The following ACTR3 variants were observed in gnomAD, a reference collection of about 807,000 sequenced individuals.
ACTR3 encodes the protein actin related protein 3.
In ACTR3, 12 loss-of-function variants were observed where a neutral mutation model predicts 56.8. That is an observed-to-expected ratio of 0.21 (90% CI 0.14 to 0.34). The LOEUF (loss-of-function observed/expected upper bound fraction) is 0.34, where lower values mean the gene tolerates loss of function less well. ACTR3 is among the 10% of genes least tolerant of loss of function. The pLI is 1.00. For synonymous variants in ACTR3, 162 were observed against 167.4 expected (o/e 0.97, Z 0.25); for missense variants, 282 against 512.5 (o/e 0.55, Z 4.34).
In ACTR3 at chr2:113,957,526, G is replaced by A; in HGVS notation, c.*71G>A. ...ATCTTTCTGATTACCTGTTTTGTCT[G>A]GATGGCTGGTTTTGAGGTTTTAAAC... On this transcript the variant is annotated 3_prime_UTR_variant, in exon 12 of 12. Transcript: ENST00000263238. The A allele has an allele frequency of 7.8e-7, 1 of 1,284,686 alleles. No individual in the cohort carries two copies. 79.6% of individuals were successfully genotyped at this position (1,284,686 alleles called of 1,614,324 possible). A position where few individuals can be genotyped will look rare whatever the true frequency, so the allele number is the denominator to read the frequency against.
intron 6 of ACTR3, among the ~76,000 whole-genome samples, chr2:113,937,435 A>G (rs1048729527): frequency 6.6e-6 from 1 of 152,144 alleles, no homozygotes; most frequent in African/African-American, 2.4e-5. Flanking sequence ...TTCACGTACC[A>G]TATCTAGTGC....
Position 113,958,301 on chromosome 2 carries a change from A to C in ACTR3, c.*846A>C, listed in dbSNP as rs944212291. 1 of 152,524 alleles carries C rather than the reference A, an allele frequency of 6.6e-6. No individual in the cohort carries two copies. The highest frequency in any genetic ancestry group is 2.4e-5 in the African/African-American group (1 of 41,444). 9.4% of individuals were successfully genotyped at this position (152,524 alleles called of 1,614,324 possible). On this transcript the variant is annotated 3_prime_UTR_variant, in exon 12 of 12. Transcript: ENST00000263238. ...TAATCTCTTTATAAGTTAACTAATAAATCTATTTTCTTCAGACTTCTGCAA... is the reference window on the plus strand; with the variant it reads ...TAATCTCTTTATAAGTTAACTAATACATCTATTTTCTTCAGACTTCTGCAA...
At chr2:113,914,109 TTCA>T (rs1679358302) in intron 2 of ACTR3, among the ~76,000 whole-genome samples, 1 of 714 alleles carries the variant, frequency 1.4e-3, no homozygotes, top group Non-Finnish European at 0.025. Flanking sequence ...TTCATTGTTA[TTCA>T]TTATGAAAAT....
chr2:113,936,063 T>G (rs1437471198), intron 6 of ACTR3, among the ~76,000 whole-genome samples: 4 of 152,082 alleles, frequency 2.6e-5, no homozygotes, highest in Admixed American at 1.3e-4. Flanking sequence ...GAGGCCAAGG[T>G]GGGCAGACTG....
At chr2:113,938,636 C>A (rs1294863490) in intron 6 of ACTR3, among the ~76,000 whole-genome samples, 1 of 152,194 alleles carries the variant, frequency 6.6e-6, no homozygotes, top group East Asian at 1.9e-4. Flanking sequence ...GGAACTATTT[C>A]TGGCTATGTG....
chr2:113,898,776 G>T (rs2134777), intron 1 of ACTR3, among the ~76,000 whole-genome samples: 1 of 152,134 alleles, frequency 6.6e-6, no homozygotes, highest in Admixed American at 6.5e-5. Flanking sequence ...AATTATTAAA[G>T]ATGTATTAAA....
chr2:113,940,643 T>C (rs554002986), intron 7 of ACTR3, among the ~76,000 whole-genome samples: 35 of 152,094 alleles, frequency 2.3e-4, no homozygotes, highest in Non-Finnish European at 3.4e-4. Context: ...CAAAATACTT[T>C]AGCATCGTCT....
At chr2:113,911,264 T>A (rs1679300969) in intron 1 of ACTR3, among the ~76,000 whole-genome samples, 1 of 151,724 alleles carries the variant, frequency 6.6e-6, no homozygotes, top group Non-Finnish European at 1.5e-5. Context: ...GACTTTTTTG[T>A]ATACATTACA....
chr2:113,927,606 A>G (rs931970677), intron 4 of ACTR3, 151 bp downstream of exon 4: 19 of 534,724 alleles, frequency 3.6e-5, no homozygotes, highest in Middle Eastern at 4.5e-4. Context: ...AAGACCATCT[A>G]GTTATGGCTA....
intron 3 of ACTR3, among the ~76,000 whole-genome samples, chr2:113,924,887 CTATTTATT>C (rs139963909): frequency 1.6e-4 from 24 of 149,932 alleles, no homozygotes; most frequent in Admixed American, 8.6e-4. Flanking sequence ...ATTCAAGGAA[CTATTTATT>C]TATTTATTTA....
At chr2:113,945,813 G>A (rs1680010769) in intron 8 of ACTR3, among the ~76,000 whole-genome samples, 1 of 151,968 alleles carries the variant, frequency 6.6e-6, no homozygotes. Context: ...CCCTCCGATA[G>A]GCCCCAGTGT....
At position 113,900,418 on chromosome 2, in the gene ACTR3, C is replaced by A. The variant is rs564925958; in HGVS notation, c.44+10095C>A. ...TTTGTGACTGATTTCTTTCATGGGGCAAGTGCTGACTGCTGTAGTCGTTGT... is the reference window on the plus strand; with the variant it reads ...TTTGTGACTGATTTCTTTCATGGGGAAAGTGCTGACTGCTGTAGTCGTTGT... On this transcript the variant is annotated intron_variant, in intron 1 of 11. Transcript: ENST00000263238. Among the ~76,000 whole-genome samples the A allele has an allele frequency of 2.0e-5, 3 of 152,234 alleles. No individual in the cohort carries two copies. The South Asian group carries it at 6.2e-4, about 32-fold the overall frequency.
At chr2:113,944,179 G>A (rs986939109) in intron 8 of ACTR3, among the ~76,000 whole-genome samples, 1 of 152,106 alleles carries the variant, frequency 6.6e-6, no homozygotes, top group Non-Finnish European at 1.5e-5. Context: ...GGAGTGATAC[G>A]TTAGAGCAGC....
At position 113,940,056 on chromosome 2, in the gene ACTR3, T is replaced by C; in HGVS notation, c.638T>C (p.Val213Ala). 6.2e-7 allele frequency: 1 copy of C among 1,613,466 alleles called. No homozygotes were observed. The highest frequency in any genetic ancestry group is 8.5e-7 in the Non-Finnish European group (1 of 1,179,704). The change falls in exon 7 of 12, where the codon GTA (valine) becomes GCA (alanine). Residue 213 changes from valine (V) to alanine (A), a missense_variant. Transcript: ENST00000263238. ...CAGCAACTGCTGAGAGACCGAGAAGTAGGAATCCCTCCAGAACAATCCTTG... is the reference window on the plus strand; with the variant it reads ...CAGCAACTGCTGAGAGACCGAGAAGCAGGAATCCCTCCAGAACAATCCTTG... ...FIQQLLRDRE[V>A]GIPPEQSLET...
rs1680329895 is a variant in ACTR3 at position 113,961,754 on chromosome 2, T to C, written c.*4299T>C. 6.6e-6 allele frequency: 1 copy of C among 151,968 alleles called. No homozygotes were observed. Among genetic ancestry groups the C allele is most frequent in the South Asian group, 2.1e-4 (1 of 4,830 alleles). 9.4% of individuals were successfully genotyped at this position (151,968 alleles called of 1,614,324 possible). ...TTAGAGGAGGGACAAATATTTTGCCTAGATAAGATTTGAGAGATAGTAAGT... is the reference window on the plus strand; with the variant it reads ...TTAGAGGAGGGACAAATATTTTGCCCAGATAAGATTTGAGAGATAGTAAGT... On this transcript the variant is annotated 3_prime_UTR_variant, in exon 12 of 12. Transcript: ENST00000263238.
In ACTR3 at chr2:113,960,049, G is replaced by A. The variant is rs913285717; in HGVS notation, c.*2594G>A. ...TAGCTTATTAATAGCAATATTAGCA[G>A]TGTAGTAGATTCTGACTGCAAAACC... On this transcript the variant is annotated 3_prime_UTR_variant, in exon 12 of 12. Transcript: ENST00000263238. 4 of 152,018 alleles carry A rather than the reference G, an allele frequency of 2.6e-5. No homozygotes were observed. The highest frequency in any genetic ancestry group is 7.2e-5 in the African/African-American group (3 of 41,440). The allele number at this position is 152,018 out of a possible 1,614,324, so 9.4% of individuals were successfully genotyped here.
Position 113,957,343 on chromosome 2 carries a change from A to G in ACTR3, c.1162-17A>G, listed in dbSNP as rs1474361788. 7 of 1,588,024 alleles carry G rather than the reference A, an allele frequency of 4.4e-6. No individual in the cohort carries two copies. The highest frequency in any genetic ancestry group is 1.7e-5 in the Admixed American group (1 of 59,844). On this transcript the variant is annotated splice_polypyrimidine_tract_variant and intron_variant, in intron 11 of 11. Coordinates refer to ENST00000263238, the MANE Select transcript of ACTR3 (RefSeq NM_005721.5). Reference sequence around the variant, plus strand: ...AGATTTTTGACCCTTATAAAAATACATATTTTTTGTTTTCAGCCTGAGTTC... The same window carrying G: ...AGATTTTTGACCCTTATAAAAATACGTATTTTTTGTTTTCAGCCTGAGTTC...
chr2:113,893,041 C>G (rs966457717), intron 1 of ACTR3, among the ~76,000 whole-genome samples: 3 of 152,180 alleles, frequency 2.0e-5, no homozygotes, highest in African/African-American at 7.2e-5. Flanking sequence ...TATCTACACA[C>G]TTTTTTGGTC....
rs1038009952 is a variant in ACTR3 at position 113,940,723 on chromosome 2, G to A, written c.684+621G>A. 2.7e-5 allele frequency among the ~76,000 whole-genome samples: 4 copies of A among 148,220 alleles called. No homozygotes were observed. In the East Asian group the frequency reaches 5.9e-4, roughly 22 times the overall value. On this transcript the variant is annotated intron_variant, in intron 7 of 11. Transcript: ENST00000263238. ...TTCACGTGTTTTGAAAAGCAGAACT[G>A]CCATGGCAAAAGTAACTTACTTGTC...
Sources: gnomAD v4.1 joint callset for allele counts (sites outside exome capture counted in the v4.1 genomes callset) on GRCh38, gnomAD v4.1.1 for gene constraint, MANE v1.5 for transcripts, NCBI Gene and HGNC (gene_info 2026-07-23, HGNC 2026-07-21) for gene names.